The following PLA2R1 variants were observed in gnomAD, a reference collection of about 807,000 sequenced individuals.
The protein encoded by PLA2R1 is secretory phospholipase A2 receptor.
PLA2R1 carries 158 observed loss-of-function variants against 195.9 expected under a neutral mutation model. The ratio of observed to expected loss-of-function variants is 0.81; its 90% CI spans 0.71 to 0.92. The LOEUF (loss-of-function observed/expected upper bound fraction) is 0.92. Among genes scored for constraint, PLA2R1 ranks in the 40% least tolerant of loss-of-function variants. PLA2R1 has a pLI of 0.00. For synonymous variants in PLA2R1, 586 were observed against 598.2 expected (o/e 0.98, Z 0.30); for missense variants, 1,626 against 1,764.6 (o/e 0.92, Z 1.41).
At position 159,979,822 on chromosome 2, in the gene PLA2R1, A is replaced by C. The variant is rs1478161454; in HGVS notation, c.2268+8T>G. 3 of 1,532,126 alleles carry C rather than the reference A, an allele frequency of 2.0e-6. No individual in the cohort carries two copies. Among genetic ancestry groups the C allele is most frequent in the Non-Finnish European group, 1.8e-6 (2 of 1,109,064 alleles). The allele number at this position is 1,532,126 out of a possible 1,614,324, so 94.9% of individuals were successfully genotyped here. The stretch of plus-strand genomic sequence containing the variant: ...TCCATCCCTTTTCTCCAGTTTGAAA[A>C]GACTTACAGGAGTTCTATCAGACCA... On this transcript the variant is annotated splice_region_variant and intron_variant, in intron 14 of 29. Coordinates refer to ENST00000283243, the MANE Select transcript of PLA2R1 (RefSeq NM_007366.5).
intron 27 of PLA2R1, 43 bp downstream of exon 27, chr2:159,946,758 C>T: frequency 6.5e-7 from 1 of 1,548,952 alleles, no homozygotes; most frequent in African/African-American, 1.4e-5. Context: ...GCTTTAACAA[C>T]CATGTATTTA....
intron 23 of PLA2R1, among the ~76,000 whole-genome samples, chr2:159,953,376 GACAA>G (rs1687885422): frequency 6.6e-6 from 1 of 152,332 alleles, no homozygotes; most frequent in African/African-American, 2.4e-5. Context: ...ATATGTATCT[GACAA>G]ACAGAGAAGA....
chr2:160,055,279 C>T (rs1470542663), intron 1 of PLA2R1, among the ~76,000 whole-genome samples: 2 of 152,102 alleles, frequency 1.3e-5, no homozygotes, highest in Admixed American at 1.3e-4. Context: ...GGATGACAAA[C>T]AGAAATGGGA....
At chr2:159,996,912 C>T (rs1293373155) in intron 11 of PLA2R1, among the ~76,000 whole-genome samples, 1 of 152,068 alleles carries the variant, frequency 6.6e-6, no homozygotes, top group Non-Finnish European at 1.5e-5. Context: ...TCTTTGCTTA[C>T]AGGATCCAGC....
At chr2:159,971,830 C>T (rs1199846340) in intron 17 of PLA2R1, among the ~76,000 whole-genome samples, 1 of 152,154 alleles carries the variant, frequency 6.6e-6, no homozygotes, top group Non-Finnish European at 1.5e-5. Flanking sequence ...AATTTATAAA[C>T]AGGTATTTTT....
chr2:160,007,974 T>C (rs1479580551), intron 10 of PLA2R1, among the ~76,000 whole-genome samples: 4 of 152,254 alleles, frequency 2.6e-5, no homozygotes, highest in African/African-American at 4.8e-5. Context: ...CTGACACTTT[T>C]TGATTTCCAA....
chr2:159,942,597 G>A (rs1050620312), intron 28 of PLA2R1, among the ~76,000 whole-genome samples: 3 of 152,186 alleles, frequency 2.0e-5, no homozygotes, highest in African/African-American at 7.2e-5. Context: ...AGTTTGTCCA[G>A]CAATGATAAT....
intron 17 of PLA2R1, among the ~76,000 whole-genome samples, chr2:159,972,902 A>G (rs1689281728): frequency 6.6e-6 from 1 of 152,194 alleles, no homozygotes; most frequent in Non-Finnish European, 1.5e-5. Context: ...AGATGGAAAC[A>G]TTTTATTAAA....
chr2:160,050,918 C>T (rs1036041213), intron 1 of PLA2R1, among the ~76,000 whole-genome samples: 3 of 152,156 alleles, frequency 2.0e-5, no homozygotes, highest in Non-Finnish European at 4.4e-5. Flanking sequence ...CATCTGCACC[C>T]CTTCTGATCA....
chr2:160,061,750 G>C (rs1559041115), intron 1 of PLA2R1, among the ~76,000 whole-genome samples: 1 of 152,160 alleles, frequency 6.6e-6, no homozygotes, highest in South Asian at 2.1e-4. Flanking sequence ...ACTACAGCCT[G>C]GGCGACAGAG....
downstream of PLA2R1, among the ~76,000 whole-genome samples, chr2:159,929,644 T>C (rs1037392247): frequency 6.6e-6 from 1 of 152,160 alleles, no homozygotes; most frequent in African/African-American, 2.4e-5. Context: ...GCAATCCCAC[T>C]ACTGGCTGTC....
At position 160,042,031 on chromosome 2, in the gene PLA2R1, C is replaced by A; in HGVS notation, c.661G>T (p.Asp221Tyr). The A allele has an allele frequency of 4.3e-6, 7 of 1,612,156 alleles. No homozygotes were observed. Among genetic ancestry groups the A allele is most frequent in the Non-Finnish European group, 5.9e-6 (7 of 1,178,406 alleles). Residue 221 changes from aspartate to tyrosine, a missense_variant, in exon 3 of 30, where the codon GAT becomes TAT. Transcript: ENST00000283243. Reference sequence around the variant, plus strand: ...AGACAAAATTTATTCTTACTGGGATCAGGGCAAAATCCCCACTTTTCATCT... The same window carrying A: ...AGACAAAATTTATTCTTACTGGGATAAGGGCAAAATCCCCACTTTTCATCT... ...ERDEKWGFCP[D>Y]PTSAEVGCDT...
chr2:159,973,124 G>C (rs183088478), intron 17 of PLA2R1, among the ~76,000 whole-genome samples: 1 of 152,068 alleles, frequency 6.6e-6, no homozygotes. Context: ...TGAGACAGAA[G>C]TGAGTGGAAT....
chr2:159,928,608 T>C (rs558721802), downstream of PLA2R1, among the ~76,000 whole-genome samples: 16 of 152,172 alleles, frequency 1.1e-4, no homozygotes, highest in African/African-American at 3.6e-4. Flanking sequence ...ATTCAATGCA[T>C]TTCCCATCAA....
chr2:159,979,522 G>A (rs1689800380), intron 14 of PLA2R1, among the ~76,000 whole-genome samples: 1 of 152,152 alleles, frequency 6.6e-6, no homozygotes. Flanking sequence ...GGTAAAGGGA[G>A]TCTTGTGTTA....
chr2:160,062,323 A>AAGCGCCGCCGCCACACCCTCGGCGC lies in PLA2R1; in HGVS notation c.56_80dup (p.Thr28ArgfsTer19), dbSNP rs1187397484. 1.3e-6 allele frequency: 2 copies of AAGCGCCGCCGCCACACCCTCGGCGC among 1,523,418 alleles called. No individual in the cohort carries two copies. The highest frequency in any genetic ancestry group is 2.9e-5 in the African/African-American group (2 of 69,518). The allele number at this position is 1,523,418 out of a possible 1,614,324, so 94.4% of individuals were successfully genotyped here. A position where few individuals can be genotyped will look rare whatever the true frequency, so the allele number is the denominator to read the frequency against. ...GCCACTCCAGGAGCCGCTCGGGGGT[A>AAGCGCCGCCGCCACACCCTCGGCGC]AGCGCCGCCGCCACACCCTCGGCGC... On this transcript the variant is annotated frameshift_variant, in exon 1 of 30. Transcript: ENST00000283243. LOFTEE classifies it high-confidence loss of function.
chr2:159,968,046 G>T (rs916335470), intron 19 of PLA2R1, among the ~76,000 whole-genome samples: 16 of 152,044 alleles, frequency 1.1e-4, no homozygotes, highest in Non-Finnish European at 1.9e-4. Context: ...AGAGGAAAAA[G>T]ATTCTAAAAC....
intron 25 of PLA2R1, among the ~76,000 whole-genome samples, chr2:159,948,821 C>T (rs1164363750): frequency 6.6e-6 from 1 of 152,082 alleles, no homozygotes; most frequent in African/African-American, 2.4e-5. Context: ...TAAGTAAATA[C>T]ATGCACTTTT....
chr2:160,039,045 T>G (rs1694355690), intron 3 of PLA2R1, among the ~76,000 whole-genome samples: 1 of 152,056 alleles, frequency 6.6e-6, no homozygotes, highest in African/African-American at 2.4e-5. Context: ...TTTGTATTTT[T>G]AGTAGAGATG....
Sources: gnomAD v4.1 joint callset for allele counts (sites outside exome capture counted in the v4.1 genomes callset) on GRCh38, gnomAD v4.1.1 for gene constraint, MANE v1.5 for transcripts, NCBI Gene and HGNC (gene_info 2026-07-23, HGNC 2026-07-21) for gene names.